ATP8B3: variants seen among roughly 807,000 people sequenced by gnomAD.
The protein encoded by ATP8B3 is ATPase phospholipid transporting 8B3.
A neutral mutation model predicts 140.9 loss-of-function variants in ATP8B3; 141 were observed. That is an observed-to-expected ratio of 1.00 (90% CI 0.87 to 1.15). The LOEUF (loss-of-function observed/expected upper bound fraction) is 1.15. Among genes scored for constraint, ATP8B3 ranks in the 50% most tolerant of loss-of-function variants. ATP8B3 has a pLI of 0.00. For missense variants in ATP8B3, 1,874 were observed against 1,740.6 expected, an observed-to-expected ratio of 1.08 and a Z score of -1.36; for synonymous variants, 765 against 714.6, an observed-to-expected ratio of 1.07 and a Z score of -1.13.
At chr19:1,803,152 A>G (rs2068905666) in intron 10 of ATP8B3, among the ~76,000 whole-genome samples, 1 of 152,006 alleles carries the variant, frequency 6.6e-6, no homozygotes, top group Non-Finnish European at 1.5e-5. Flanking sequence ...TACCACCACC[A>G]CCAGCCCCCC....
At chr19:1,784,771 G>A in intron 28 of ATP8B3, 48 bp downstream of exon 28, 11 of 1,540,002 alleles carry the variant, frequency 7.1e-6, no homozygotes, top group East Asian at 2.4e-5. Context: ...CCCCAACCAG[G>A]GTCCTGGAAT....
At chr19:1,810,469 G>A (rs2069155564) in intron 3 of ATP8B3, among the ~76,000 whole-genome samples, 153 bp downstream of exon 3, 1 of 152,060 alleles carries the variant, frequency 6.6e-6, no homozygotes, top group Non-Finnish European at 1.5e-5. Flanking sequence ...GTTTCTCCAT[G>A]TTGCCCAGGC....
At position 1,788,378 on chromosome 19, in the gene ATP8B3, C is replaced by T. The variant is rs139639887; in HGVS notation, c.3069+519G>A. On this transcript the variant is annotated intron_variant, in intron 24 of 28. Coordinates refer to ENST00000310127, the MANE Select transcript of ATP8B3 (RefSeq NM_138813.4). ...TTGAAAGCTCTGAGTGTGCCGGGCACGGTGGCTCACGCTGTAATCCCAGCA... is the reference window on the plus strand; with the variant it reads ...TTGAAAGCTCTGAGTGTGCCGGGCATGGTGGCTCACGCTGTAATCCCAGCA... Among the ~76,000 whole-genome samples, 84 of 152,250 alleles carry T rather than the reference C, an allele frequency of 5.5e-4. 1 individual carries two copies. The East Asian group carries it at 0.013, about 24-fold the overall frequency.
In ATP8B3 at chr19:1,794,016, G is replaced by A. The variant is rs938192282; in HGVS notation, c.2055+1859C>T. On this transcript the variant is annotated intron_variant, in intron 18 of 28. Coordinates refer to ENST00000310127, the MANE Select transcript of ATP8B3 (RefSeq NM_138813.4). This position sits in a 1 kb window ranked among gnomAD's most constrained non-coding sequence, Gnocchi z 4.8. ...CTCCCAAAGCACTGGGATTACAGGC[G>A]TGAGCCATCGCGCCAGCCTGTTTAT... Among the ~76,000 whole-genome samples, 12 of 151,190 alleles carry A rather than the reference G, an allele frequency of 7.9e-5. No homozygotes were observed. The highest frequency in any genetic ancestry group is 1.5e-4 in the African/African-American group (6 of 41,162).
At chr19:1,785,033 T>C (rs1036615342) in intron 27 of ATP8B3, 87 bp from the exon 28 acceptor site, 1 of 1,516,502 alleles carries the variant, frequency 6.6e-7, no homozygotes, top group Non-Finnish European at 8.8e-7. Context: ...CCTTTGTGCC[T>C]GGTCCATAAA....
chr19:1,811,017 G>C (rs1023638316), intron 2 of ATP8B3, among the ~76,000 whole-genome samples: 1 of 152,128 alleles, frequency 6.6e-6, no homozygotes, highest in Non-Finnish European at 1.5e-5. Context: ...GCCAGCCTCC[G>C]GCCACTGCTC....
In ATP8B3 at chr19:1,785,351, C is replaced by T. The variant is rs2068271191; in HGVS notation, c.3394-54G>A. The T allele has an allele frequency of 5.1e-6, 8 of 1,553,576 alleles. No individual in the cohort carries two copies. The Admixed American group carries it at 9.5e-5, about 19-fold the overall frequency. On this transcript the variant is annotated intron_variant, in intron 26 of 28. Coordinates refer to ENST00000310127, the MANE Select transcript of ATP8B3 (RefSeq NM_138813.4). The stretch of plus-strand genomic sequence containing the variant: ...GGGCCTAGCGGGGCTTGCACCAGGA[C>T]ACCAGCCCCTGGGGTCCAGGAAGGG...
intron 2 of ATP8B3, among the ~76,000 whole-genome samples, 174 bp downstream of exon 2, chr19:1,811,315 A>T (rs1210645068): frequency 6.6e-6 from 1 of 152,054 alleles, no homozygotes; most frequent in Non-Finnish European, 1.5e-5. Flanking sequence ...CAGGTTCAGG[A>T]ATGTGGGTCT....
At position 1,796,430 on chromosome 19, in the gene ATP8B3, G is replaced by A. The variant is rs960416664; in HGVS notation, c.1754-165C>T. Reference sequence around the variant, plus strand: ...TGGAGGTGAGCACTTGAGACTAGACGACCTTCCCGCTCAACAACAGATCCT... The same window carrying A: ...TGGAGGTGAGCACTTGAGACTAGACAACCTTCCCGCTCAACAACAGATCCT... On this transcript the variant is annotated intron_variant, in intron 16 of 28. Coordinates refer to ENST00000310127, the MANE Select transcript of ATP8B3 (RefSeq NM_138813.4). Among the ~76,000 whole-genome samples the A allele has an allele frequency of 6.6e-5, 10 of 152,336 alleles. No individual in the cohort carries two copies. In the South Asian group the frequency reaches 8.3e-4, roughly 13 times the overall value.
chr19:1,808,761 T>C (rs552450130), intron 4 of ATP8B3, among the ~76,000 whole-genome samples: 2 of 152,336 alleles, frequency 1.3e-5, no homozygotes, highest in South Asian at 4.1e-4. Context: ...ACATTGTACT[T>C]TCAGGTTGGG....
chr19:1,802,153 C>G (rs1305973914), intron 11 of ATP8B3, 109 bp from the exon 12 acceptor site: 8 of 649,450 alleles, frequency 1.2e-5, no homozygotes, highest in African/African-American at 2.6e-5. Flanking sequence ...ACCTACCCAT[C>G]CACCCCTCAC....
chr19:1,783,120 G>A lies in ATP8B3; in HGVS notation c.3811C>T (p.Arg1271Trp), dbSNP rs199675643. The A allele has an allele frequency of 5.5e-5, 89 of 1,613,548 alleles. No individual in the cohort carries two copies. The highest frequency in any genetic ancestry group is 5.3e-4 in the East Asian group (24 of 44,876). The change falls in exon 29 of 29, where the codon CGG (arginine) becomes TGG (tryptophan). Residue 1271 changes from arginine to tryptophan, a missense_variant. Coordinates refer to ENST00000310127, the MANE Select transcript of ATP8B3 (RefSeq NM_138813.4). ...ANLITQGTIL[R>W]RGPGVSSDIA... ...TCACTGCTGACCCCTGGTCCCCTCC[G>A]CAGAATTGTGCCCTGAGTGATGAGG...
In ATP8B3 at chr19:1,806,284, C is replaced by T. The variant is rs1438098793; in HGVS notation, c.678-115G>A. ...CGCAGCTGCAGTCCCCACCTCCGGGCCTTTGCCCCCTCAGGAAGCCTTCCC... is the reference window on the plus strand; with the variant it reads ...CGCAGCTGCAGTCCCCACCTCCGGGTCTTTGCCCCCTCAGGAAGCCTTCCC... On this transcript the variant is annotated intron_variant, in intron 7 of 28. Coordinates refer to ENST00000310127, the MANE Select transcript of ATP8B3 (RefSeq NM_138813.4). The surrounding 1 kb of genome is among the most constrained non-coding windows in gnomAD (Gnocchi z 5.6). The T allele has an allele frequency of 1.3e-6, 2 of 1,501,808 alleles. No homozygotes were observed. Among genetic ancestry groups the T allele is most frequent in the African/African-American group, 1.4e-5 (1 of 72,198 alleles). The allele number at this position is 1,501,808 out of a possible 1,614,324, so 93.0% of individuals were successfully genotyped here. A position where few individuals can be genotyped will look rare whatever the true frequency, so the allele number is the denominator to read the frequency against.
At chr19:1,801,381 C>G (rs1657253688) in intron 12 of ATP8B3, among the ~76,000 whole-genome samples, 1 of 152,148 alleles carries the variant, frequency 6.6e-6, no homozygotes, top group Admixed American at 6.5e-5. Flanking sequence ...AAACTCCCAA[C>G]CTCAGGTGAT....
At chr19:1,808,479 G>C (rs886291447) in intron 4 of ATP8B3, 144 bp from the exon 5 acceptor site, 2 of 620,084 alleles carry the variant, frequency 3.2e-6, no homozygotes, top group Admixed American at 2.3e-5. Flanking sequence ...AGCATCTACT[G>C]AGCCAGCAGT....
chr19:1,787,096 TG>T lies in ATP8B3; in HGVS notation c.3153+6del. On this transcript the variant is annotated splice_donor_region_variant and intron_variant, in intron 25 of 28. Transcript: ENST00000310127. ...CTGGAAGGAAGACCCGGCCTTGCCC[TG>T]CTCACCTGCTCAAAGAGCCCAATGT... The T allele has an allele frequency of 6.3e-7, 1 of 1,592,698 alleles. No homozygotes were observed.
In ATP8B3 at chr19:1,789,389, G is replaced by T; in HGVS notation, c.2817C>A (p.Asp939Glu). The T allele has an allele frequency of 6.3e-7, 1 of 1,579,466 alleles. No individual in the cohort carries two copies. Among genetic ancestry groups the T allele is most frequent in the Non-Finnish European group, 8.6e-7 (1 of 1,166,932 alleles). The change falls in exon 23 of 29, where the codon GAC becomes GAA. Residue 939 changes from aspartate to glutamate, a missense_variant. Around this residue, in one of 3 missense-constraint regions of ATP8B3, gnomAD observed 840 missense variants for 760.9 expected, o/e 1.10. Coordinates refer to ENST00000310127, the MANE Select transcript of ATP8B3 (RefSeq NM_138813.4). The stretch of plus-strand genomic sequence containing the variant: ...TGATCATGTTGATGTCGTTGGCACC[G>T]TCCCCGATGGCCAGGGTCACCACCT... ...YHQVVTLAIG[D>E]GANDINMIKT...
chr19:1,796,143 C>G lies in ATP8B3; in HGVS notation c.1876G>C (p.Glu626Gln), dbSNP rs1427276933. ...ATGGCCAGGACCTGGTAGACCCGTT[C>G]CTCCCCCAGCTCCATGATCGTGACG... ...DTVTIMELGE[E>Q]RVYQVLAIMD... The change falls in exon 17 of 29, where the codon GAA becomes CAA. Residue 626 changes from glutamate (E) to glutamine (Q), a missense_variant. This residue lies in a region of ATP8B3 where 1,032 missense variants were observed against 963.6 expected (regional missense o/e 1.07). Transcript: ENST00000310127. 2 of 1,612,984 alleles carry G rather than the reference C, an allele frequency of 1.2e-6. No homozygotes were observed. The highest frequency in any genetic ancestry group is 3.3e-5 in the Admixed American group (2 of 60,020).
chr19:1,810,542 G>A (rs1490616417), intron 3 of ATP8B3, 80 bp downstream of exon 3: 14 of 1,413,262 alleles, frequency 9.9e-6, no homozygotes, highest in Admixed American at 4.3e-5. Context: ...GGGATTACAG[G>A]GGAGAGCCAC....
Sources: gnomAD v4.1 joint callset for allele counts (sites outside exome capture counted in the v4.1 genomes callset) on GRCh38, gnomAD v4.1.1 for gene constraint, gnomAD v4.1.1 regional missense constraint, Gnocchi (gnomAD v3.1) non-coding constraint, MANE v1.5 for transcripts, NCBI Gene and HGNC (gene_info 2026-07-23, HGNC 2026-07-21) for gene names.